GPR89B: variants seen among roughly 807,000 people sequenced by gnomAD.
The protein encoded by GPR89B is G protein-coupled receptor 89B.
A neutral mutation model predicts 52.4 loss-of-function variants in GPR89B; 25 were observed. The ratio of observed to expected loss-of-function variants is 0.48; its 90% CI spans 0.35 to 0.67. GPR89B has a LOEUF of 0.67. GPR89B is among the 30% of genes least tolerant of loss of function. GPR89B has a pLI of 0.01. For synonymous variants in GPR89B, 52 were observed against 151.2 expected, an observed-to-expected ratio of 0.34 and a Z score of 4.81; for missense variants, 146 against 450.2, an observed-to-expected ratio of 0.32 and a Z score of 6.11.
the GPR89B span, among the ~76,000 whole-genome samples, chr1:148,000,775 TAAAA>T: frequency 1.7e-4 from 12 of 72,540 alleles, no homozygotes; most frequent in Non-Finnish European, 3.1e-4. Flanking sequence ...GTGTTAAAAG[TAAAA>T]AAAAAAAAAA....
intron 1 of GPR89B, among the ~76,000 whole-genome samples, chr1:147,935,028 T>C (rs1653960786): frequency 6.6e-6 from 1 of 151,472 alleles, no homozygotes; most frequent in African/African-American, 2.4e-5. Flanking sequence ...ATAGAGCTTA[T>C]AATCTAATGT....
intron 11 of GPR89B, among the ~76,000 whole-genome samples, chr1:147,987,970 CCTTTT>C (rs1256064187): frequency 6.6e-6 from 1 of 152,080 alleles, no homozygotes; most frequent in East Asian, 1.9e-4. Flanking sequence ...TATTTAGTTT[CCTTTT>C]AATTCCTGCT....
intron 10 of GPR89B, among the ~76,000 whole-genome samples, chr1:147,971,116 A>G (rs1657428226): frequency 6.6e-6 from 1 of 151,862 alleles, no homozygotes; most frequent in Non-Finnish European, 1.5e-5. Flanking sequence ...CAAAGCTACT[A>G]AAAGGTATTT....
At chr1:147,950,662 A>G (rs1452063992) in intron 5 of GPR89B, among the ~76,000 whole-genome samples, 10 of 152,330 alleles carry the variant, frequency 6.6e-5, no homozygotes, top group African/African-American at 2.4e-4. Context: ...TGAGTGAACC[A>G]GACTCCGTCT....
chr1:148,019,510 A>G, the GPR89B span, among the ~76,000 whole-genome samples: 1 of 151,984 alleles, frequency 6.6e-6, no homozygotes, highest in African/African-American at 2.4e-5. Flanking sequence ...AGATCTGTGC[A>G]TCAAACCACC....
At chr1:147,947,348 AAAGAT>A (rs1221974587) in intron 5 of GPR89B, among the ~76,000 whole-genome samples, 4 of 151,962 alleles carry the variant, frequency 2.6e-5, no homozygotes, top group African/African-American at 2.4e-5. Context: ...AAAAAAAAAA[AAAGAT>A]AAGACCAATC....
chr1:148,017,632 G>T, the GPR89B span, among the ~76,000 whole-genome samples: 2 of 150,120 alleles, frequency 1.3e-5, no homozygotes, highest in South Asian at 4.2e-4. Context: ...CAGCTACTCA[G>T]GAGGCTGAGG....
chr1:148,015,579 G>T, the GPR89B span, among the ~76,000 whole-genome samples: 2 of 148,408 alleles, frequency 1.3e-5, no homozygotes, highest in Non-Finnish European at 3.0e-5. Context: ...CTCCTAAAGT[G>T]TTGGGATTAC....
At chr1:147,950,223 G>A (rs1453445523) in intron 5 of GPR89B, among the ~76,000 whole-genome samples, 1 of 150,808 alleles carries the variant, frequency 6.6e-6, no homozygotes, top group Non-Finnish European at 1.5e-5. Flanking sequence ...CAGACGGGGC[G>A]GCTGGGCAGA....
rs1480415406 is a variant in GPR89B at position 147,985,614 on chromosome 1, T to G, written c.910-585T>G. On this transcript the variant is annotated intron_variant, in intron 10 of 13. Transcript: ENST00000314163. ...ACCTATAATGCAGACCATTTACATTTCATGTGATTATTGATGTGGTTGTTT... is the reference window on the plus strand; with the variant it reads ...ACCTATAATGCAGACCATTTACATTGCATGTGATTATTGATGTGGTTGTTT... 3.6e-3 allele frequency among the ~76,000 whole-genome samples: 540 copies of G among 152,096 alleles called. 2 individuals are homozygous for G. The highest frequency in any genetic ancestry group is 0.012 in the African/African-American group (510 of 41,384).
At chr1:147,952,405 A>G (rs868970938) in intron 5 of GPR89B, among the ~76,000 whole-genome samples, 3 of 151,602 alleles carry the variant, frequency 2.0e-5, no homozygotes, top group Non-Finnish European at 4.4e-5. Flanking sequence ...CTAGGTGAAG[A>G]ATGGAGAAGC....
intron 12 of GPR89B, among the ~76,000 whole-genome samples, chr1:147,990,190 T>C (rs1361054080): frequency 6.6e-6 from 1 of 152,254 alleles, no homozygotes; most frequent in East Asian, 1.9e-4. Flanking sequence ...ATTGTGGTTT[T>C]GATTTGCATT....
downstream of GPR89B, chr1:147,994,283 A>G (rs1158835041): frequency 5.1e-6 from 8 of 1,581,772 alleles, no homozygotes; most frequent in East Asian, 1.8e-4. Context: ...AAACAGCCAA[A>G]GCTATTACTT....
At chr1:148,008,479 T>C in the GPR89B span, among the ~76,000 whole-genome samples, 1 of 152,062 alleles carries the variant, frequency 6.6e-6, no homozygotes, top group Non-Finnish European at 1.5e-5. Flanking sequence ...TTAGAAACTA[T>C]TTTAAATTTA....
chr1:147,936,641 A>G lies in GPR89B; in HGVS notation c.57A>G (p.Gly19=). 1.2e-6 allele frequency: 2 copies of G among 1,611,372 alleles called. No individual in the cohort carries two copies. Among genetic ancestry groups the G allele is most frequent in the Non-Finnish European group, 1.7e-6 (2 of 1,178,362 alleles). ...IMITSQILFF[G]FGWLFFMRQL... Reference sequence around the variant, plus strand: ...TTCTCCTCCAGATACTATTTTTTGGATTTGGGTGGCTTTTCTTCATGCGCC... The same window carrying G: ...TTCTCCTCCAGATACTATTTTTTGGGTTTGGGTGGCTTTTCTTCATGCGCC... Residue 19 remains glycine (G), a synonymous_variant, in exon 2 of 14, where the codon GGA becomes GGG. Coordinates refer to ENST00000314163, the MANE Select transcript of GPR89B (RefSeq NM_016334.5).
intron 10 of GPR89B, among the ~76,000 whole-genome samples, chr1:147,970,501 C>CTG (rs1308066938): frequency 7.3e-6 from 1 of 136,276 alleles, no homozygotes; most frequent in Non-Finnish European, 1.5e-5. Context: ...ATCTCTCTCT[C>CTG]TCTCTCTCTC....
At chr1:147,951,224 T>G (rs1553250990) in intron 5 of GPR89B, among the ~76,000 whole-genome samples, 1 of 151,596 alleles carries the variant, frequency 6.6e-6, no homozygotes, top group African/African-American at 2.4e-5. Flanking sequence ...TCTGTAAAAT[T>G]AGGTTTTCAA....
At chr1:147,950,985 G>A (rs1246534043) in intron 5 of GPR89B, among the ~76,000 whole-genome samples, 1 of 152,086 alleles carries the variant, frequency 6.6e-6, no homozygotes, top group Non-Finnish European at 1.5e-5. Flanking sequence ...GGGAGAGGGA[G>A]AGCGATAAAA....
At chr1:148,009,642 C>T in the GPR89B span, 1 of 906,576 alleles carries the variant, frequency 1.1e-6, no homozygotes, top group Non-Finnish European at 1.7e-6. Context: ...TGCCAACTGC[C>T]AGAGGGAAAT....
Sources: allele counts gnomAD v4.1 joint callset (sites outside exome capture counted in the v4.1 genomes callset), GRCh38; gene constraint gnomAD v4.1.1; transcripts MANE v1.5; gene names NCBI Gene and HGNC (gene_info 2026-07-23, HGNC 2026-07-21).